INSR: variants seen among roughly 807,000 people sequenced by gnomAD.
INSR encodes IR.
In INSR, 67 loss-of-function variants were observed where a neutral mutation model predicts 142.6. The ratio of observed to expected loss-of-function variants is 0.47; its 90% confidence interval spans 0.39 to 0.58. The LOEUF (loss-of-function observed/expected upper bound fraction) is 0.58. Among genes scored for constraint, INSR ranks in the 20% least tolerant of loss-of-function variants. The pLI is 0.00. For missense variants in INSR, 1,248 were observed against 1,833.2 expected (o/e 0.68, Z 5.83); for synonymous variants, 756 against 743.1 (o/e 1.02, Z -0.28).
Position 7,119,723 on chromosome 19 carries a change from AAC to A in INSR, c.3660-142_3660-141del, listed in dbSNP as rs950723426. ...ACATACATGCAAACACACACATGCA[AAC>A]ACACACGCACATACACGTGCACACA... On this transcript the variant is annotated intron_variant, in intron 20 of 21. Transcript: ENST00000302850. This position sits in a 1 kb window ranked among gnomAD's most constrained non-coding sequence, Gnocchi z 5.2. 46 of 937,406 alleles carry A rather than the reference AAC, an allele frequency of 4.9e-5. No homozygotes were observed. Among genetic ancestry groups the A allele is most frequent in the Middle Eastern group, 3.1e-4 (1 of 3,204 alleles). The allele number at this position is 937,406 out of a possible 1,614,324, so 58.1% of individuals were successfully genotyped here.
intron 7 of INSR, among the ~76,000 whole-genome samples, chr19:7,167,277 A>G (rs1275110429): frequency 6.6e-6 from 1 of 152,150 alleles, no homozygotes; most frequent in Non-Finnish European, 1.5e-5. Context: ...GGCTAGAACT[A>G]TTATTAATAT....
rs1245564090 is a variant in INSR at position 7,192,565 on chromosome 19, A to G, written c.653-7928T>C. On this transcript the variant is annotated intron_variant, in intron 2 of 21. Transcript: ENST00000302850. The surrounding 1 kb of genome is among the most constrained non-coding windows in gnomAD (Gnocchi z 4.2). ...CCAAATTCTGGTTTGGGGTAGGGAC[A>G]GTCAGCAGCCCAGGCTATGTCTGCC... Among the ~76,000 whole-genome samples, 1 of 152,068 alleles carries G rather than the reference A, an allele frequency of 6.6e-6. No individual in the cohort carries two copies. Among genetic ancestry groups the G allele is most frequent in the Non-Finnish European group, 1.5e-5 (1 of 68,016 alleles).
chr19:7,224,983 G>A (rs1975736415), intron 2 of INSR, among the ~76,000 whole-genome samples: 1 of 152,116 alleles, frequency 6.6e-6, no homozygotes, highest in African/African-American at 2.4e-5. Context: ...CAGACAGACA[G>A]ACAGACAGAG....
chr19:7,188,217 C>A (rs996926174), intron 2 of INSR, among the ~76,000 whole-genome samples: 2 of 152,164 alleles, frequency 1.3e-5, no homozygotes, highest in Admixed American at 1.3e-4. Context: ...CACATTATCT[C>A]ATTACATTTT....
intron 8 of INSR, among the ~76,000 whole-genome samples, chr19:7,163,614 A>G (rs1973815275): frequency 6.6e-6 from 1 of 151,754 alleles, no homozygotes; most frequent in Non-Finnish European, 1.5e-5. Context: ...AACCAAACAA[A>G]ACCCAAAAAA....
intron 2 of INSR, among the ~76,000 whole-genome samples, chr19:7,243,332 G>A (rs183963884): frequency 1.1e-4 from 14 of 127,980 alleles, no homozygotes; most frequent in South Asian, 2.7e-4. Context: ...TGCAACCTCC[G>A]CTTCCTGGGT....
chr19:7,225,109 G>A lies in INSR; in HGVS notation c.653-40472C>T, dbSNP rs1021885665. ...ACACTTAGAGTTTCCTATGCACCCA[G>A]CACTATTCCAATTATTAACCATTTA... On this transcript the variant is annotated intron_variant, in intron 2 of 21. Transcript: ENST00000302850. This position sits in a 1 kb window ranked among gnomAD's most constrained non-coding sequence, Gnocchi z 4.7. 6.6e-6 allele frequency among the ~76,000 whole-genome samples: 1 copy of A among 152,074 alleles called. No individual in the cohort carries two copies. The highest frequency in any genetic ancestry group is 1.9e-4 in the East Asian group (1 of 5,182).
In INSR at chr19:7,279,135, G is replaced by T. The variant is rs1968140374; in HGVS notation, c.101-11239C>A. On this transcript the variant is annotated intron_variant, in intron 1 of 21. Transcript: ENST00000302850. Reference sequence around the variant, plus strand: ...AGAGTGACACTCCATCTCAAAAAAAGAAAAGAAATAAAATAAAATAAAATA... The same window carrying T: ...AGAGTGACACTCCATCTCAAAAAAATAAAAGAAATAAAATAAAATAAAATA... Among the ~76,000 whole-genome samples, 4 of 151,482 alleles carry T rather than the reference G, an allele frequency of 2.6e-5. No individual in the cohort carries two copies. The Admixed American group carries it at 2.6e-4, about 10-fold the overall frequency.
At chr19:7,196,640 C>T (rs1974755124) in intron 2 of INSR, among the ~76,000 whole-genome samples, 1 of 151,904 alleles carries the variant, frequency 6.6e-6, no homozygotes, top group Admixed American at 6.6e-5. Context: ...AAAAACAAAA[C>T]AGAAAATACA....
chr19:7,179,971 T>C (rs8103792), intron 3 of INSR, among the ~76,000 whole-genome samples: 65 of 152,136 alleles, frequency 4.3e-4, no homozygotes, highest in Non-Finnish European at 5.6e-4. Flanking sequence ...CACTTGAACA[T>C]TGAGGTCTGC....
intron 3 of INSR, 150 bp downstream of exon 3, chr19:7,184,166 A>G: frequency 1.4e-6 from 1 of 696,532 alleles, no homozygotes; most frequent in Non-Finnish European, 2.5e-6. Context: ...GGACCAAAAC[A>G]GGGTGCAAAA....
chr19:7,244,261 A>G (rs1366246), intron 2 of INSR, among the ~76,000 whole-genome samples: 42,110 of 152,056 alleles, frequency 0.28, 7,392 homozygotes, highest in African/African-American at 0.5. Flanking sequence ...GGCTGGGCGC[A>G]GTGGCTCATG....
At chr19:7,272,095 G>A (rs1049097178) in intron 1 of INSR, among the ~76,000 whole-genome samples, 1 of 152,158 alleles carries the variant, frequency 6.6e-6, no homozygotes, top group African/African-American at 2.4e-5. Flanking sequence ...ACGAGGTCAG[G>A]AGATTGAGAC....
At position 7,287,308 on chromosome 19, in the gene INSR, C is replaced by T. The variant is rs189405508; in HGVS notation, c.100+6484G>A. On this transcript the variant is annotated intron_variant, in intron 1 of 21. Coordinates refer to ENST00000302850, the MANE Select transcript of INSR (RefSeq NM_000208.4). ...CCAACTAGCTGGGATTACAGGCATG[C>T]GCCACCACGCCTGGCTAATTTTGTA... 9.5e-4 allele frequency among the ~76,000 whole-genome samples: 144 copies of T among 151,876 alleles called. 1 individual carries two copies. The highest frequency in any genetic ancestry group is 3.3e-3 in the African/African-American group (135 of 41,444).
chr19:7,139,540 A>C (rs1372104626), intron 13 of INSR, among the ~76,000 whole-genome samples: 1 of 152,238 alleles, frequency 6.6e-6, no homozygotes, highest in Admixed American at 6.5e-5. Context: ...AATATGGATT[A>C]GAGGCATATG....
chr19:7,281,333 A>G (rs866924873), intron 1 of INSR, among the ~76,000 whole-genome samples: 117 of 104,298 alleles, frequency 1.1e-3, no homozygotes, highest in Non-Finnish European at 1.7e-4. Flanking sequence ...GACAACAACA[A>G]ACAAACACAC....
At chr19:7,221,201 C>G (rs777221804) in intron 2 of INSR, among the ~76,000 whole-genome samples, 1 of 151,438 alleles carries the variant, frequency 6.6e-6, no homozygotes, top group Non-Finnish European at 1.5e-5. Context: ...TGGCGAGACC[C>G]CGTTTCTACC....
Position 7,119,390 on chromosome 19 carries a change from TA to T in INSR, c.3794+58del, listed in dbSNP as rs1972420721. The stretch of plus-strand genomic sequence containing the variant: ...GGAAAGGCAAAACCAAGCACACGTG[TA>T]AAGGGCAATACCCTTTCAACGAACA... On this transcript the variant is annotated intron_variant, in intron 21 of 21. Transcript: ENST00000302850. The surrounding 1 kb of genome is among the most constrained non-coding windows in gnomAD (Gnocchi z 5.2). 7 of 1,597,288 alleles carry T rather than the reference TA, an allele frequency of 4.4e-6. No individual in the cohort carries two copies. The highest frequency in any genetic ancestry group is 6.0e-6 in the Non-Finnish European group (7 of 1,164,944).
chr19:7,221,420 A>G (rs1975612907), intron 2 of INSR, among the ~76,000 whole-genome samples: 1 of 134,934 alleles, frequency 7.4e-6, no homozygotes. Context: ...AAGAAGAAGA[A>G]GAAGAAGGCT....
Sources: gnomAD v4.1 joint callset for allele counts (sites outside exome capture counted in the v4.1 genomes callset) on GRCh38, gnomAD v4.1.1 for gene constraint, Gnocchi (gnomAD v3.1) non-coding constraint, MANE v1.5 for transcripts, NCBI Gene and HGNC (gene_info 2026-07-23, HGNC 2026-07-21) for gene names.